PCDH11X: variants seen among roughly 807,000 people sequenced by gnomAD.
PCDH11X encodes the protein protocadherin 11 X-linked, also known as protocadherin-11 X-linked.
A neutral mutation model predicts 53.3 loss-of-function variants in PCDH11X; 18 were observed. That is an observed-to-expected ratio of 0.34 (90% CI 0.23 to 0.50). The LOEUF is 0.50. Ranked by LOEUF, PCDH11X falls within the 20% of genes least tolerant of loss-of-function variation. PCDH11X has a pLI of 0.98. For missense variants in PCDH11X, 570 were observed against 1,032.4 expected (o/e 0.55, Z 6.14); for synonymous variants, 279 against 393.3 (o/e 0.71, Z 3.44).
intron 4 of PCDH11X, among the ~76,000 whole-genome samples, chrX:91,825,373 C>T (rs191661384): frequency 3.0e-4 from 34 of 111,815 alleles, no homozygotes; most frequent in Admixed American, 2.7e-3. Flanking sequence ...GATATAATCT[C>T]GTGGTGCGCC....
At chrX:92,415,090 T>C (rs1193304234) in intron 9 of PCDH11X, among the ~76,000 whole-genome samples, 1 of 111,422 alleles carries the variant, frequency 9.0e-6, no homozygotes, top group African/African-American at 3.3e-5. Flanking sequence ...GTCATACTTT[T>C]TTAAACTTTC....
intron 9 of PCDH11X, among the ~76,000 whole-genome samples, chrX:92,421,419 C>T (rs1000661874): frequency 1.8e-5 from 2 of 111,840 alleles, no homozygotes; most frequent in South Asian, 3.7e-4. Context: ...GCTTTATTTA[C>T]GTTTCTGCAA....
At chrX:92,188,660 G>A (rs745482214) in intron 6 of PCDH11X, among the ~76,000 whole-genome samples, 1 of 111,795 alleles carries the variant, frequency 8.9e-6, no homozygotes, top group South Asian at 3.7e-4. Flanking sequence ...AGACGGGGTA[G>A]ATGAGATGAA....
rs375312195 is a variant in PCDH11X at position 92,441,479 on chromosome X, G to A, written c.3344-26820G>A. Reference sequence around the variant, plus strand: ...GCTGCCTAGGGACTTGGTGCCCTGTGTCCCAGCTGCTCCAGTCATGGCTGA... The same window carrying A: ...GCTGCCTAGGGACTTGGTGCCCTGTATCCCAGCTGCTCCAGTCATGGCTGA... On this transcript the variant is annotated intron_variant, in intron 9 of 10. Transcript: ENST00000682573. Among the ~76,000 whole-genome samples the A allele has an allele frequency of 8.0e-5, 9 of 112,122 alleles. No individual in the cohort carries two copies. In the East Asian group the frequency reaches 1.4e-3, roughly 18 times the overall value.
At chrX:91,807,494 G>A (rs1350150239) in intron 1 of PCDH11X, among the ~76,000 whole-genome samples, 1 of 111,087 alleles carries the variant, frequency 9.0e-6, no homozygotes, top group African/African-American at 3.3e-5. Context: ...GAGAGAGAGA[G>A]AGAGAAATAT....
intron 5 of PCDH11X, among the ~76,000 whole-genome samples, chrX:91,855,485 T>C (rs1415384636): frequency 9.2e-6 from 1 of 108,761 alleles, no homozygotes; most frequent in Admixed American, 9.6e-5. Flanking sequence ...TACTGGGTTT[T>C]TTGTGTGGTT....
chrX:91,960,885 G>A (rs113774708), intron 6 of PCDH11X, among the ~76,000 whole-genome samples: 1,940 of 110,808 alleles, frequency 0.018, 39 homozygotes, highest in African/African-American at 0.059. Context: ...TCTCGTCTAA[G>A]ATTAGTTGAC....
chrX:92,278,956 C>T (rs1276832208), intron 8 of PCDH11X, among the ~76,000 whole-genome samples: 1 of 109,348 alleles, frequency 9.1e-6, no homozygotes, highest in Non-Finnish European at 1.9e-5. Context: ...GGATTACAGG[C>T]GTGTGCCACC....
chrX:92,128,638 A>G (rs2064915536), intron 6 of PCDH11X, among the ~76,000 whole-genome samples: 1 of 110,210 alleles, frequency 9.1e-6, no homozygotes, highest in Middle Eastern at 4.6e-3. Context: ...ACTTCAGGTG[A>G]TCTGTCTGCC....
intron 6 of PCDH11X, among the ~76,000 whole-genome samples, chrX:92,160,889 A>G (rs5942130): frequency 0.53 from 57,542 of 109,088 alleles, 12,091 homozygotes; most frequent in African/African-American, 0.67. Flanking sequence ...AGGTCGTATC[A>G]CATTGTGGTT....
chrX:92,348,240 T>G (rs1055258843), intron 8 of PCDH11X, among the ~76,000 whole-genome samples: 1 of 111,457 alleles, frequency 9.0e-6, no homozygotes, highest in South Asian at 3.8e-4. Context: ...TAGCAACCAA[T>G]GATCCAGCCC....
chrX:92,447,851 T>C (rs944652389), intron 9 of PCDH11X, among the ~76,000 whole-genome samples: 7 of 112,344 alleles, frequency 6.2e-5, no homozygotes, highest in Non-Finnish European at 9.4e-5. Flanking sequence ...GGGTGTACCC[T>C]GCCAAGCCAC....
intron 9 of PCDH11X, chrX:92,460,083 C>A: frequency 9.8e-7 from 1 of 1,025,109 alleles, no homozygotes; most frequent in Non-Finnish European, 1.4e-6. Context: ...GGGCTCAGAT[C>A]TTCGCAAATA....
At chrX:92,273,736 G>A (rs1011428350) in intron 8 of PCDH11X, among the ~76,000 whole-genome samples, 1 of 110,885 alleles carries the variant, frequency 9.0e-6, no homozygotes, top group African/African-American at 3.3e-5. Flanking sequence ...CATTTGTCGT[G>A]TAGAATTATT....
At chrX:91,822,732 C>A (rs1475559736) in intron 4 of PCDH11X, among the ~76,000 whole-genome samples, 1 of 109,869 alleles carries the variant, frequency 9.1e-6, no homozygotes, top group Non-Finnish European at 1.9e-5. Flanking sequence ...AATGTGTTTG[C>A]TCTTGCTTTT....
intron 6 of PCDH11X, among the ~76,000 whole-genome samples, chrX:92,171,859 C>A (rs780077033): frequency 1.8e-5 from 2 of 110,887 alleles, no homozygotes; most frequent in Admixed American, 1.9e-4. Flanking sequence ...GAACATGGTA[C>A]ACCTTTTCAT....
intron 6 of PCDH11X, among the ~76,000 whole-genome samples, chrX:92,042,118 T>C (rs1488347281): frequency 9.0e-6 from 1 of 111,614 alleles, no homozygotes; most frequent in Non-Finnish European, 1.9e-5. Flanking sequence ...TATTATGTGA[T>C]AAGAATACGA....
chrX:91,966,115 A>T lies in PCDH11X; in HGVS notation c.3033+86842A>T, dbSNP rs1380962480. Among the ~76,000 whole-genome samples, 6 of 110,392 alleles carry T rather than the reference A, an allele frequency of 5.4e-5. No homozygotes were observed. The East Asian group carries it at 1.7e-3, about 32-fold the overall frequency. ...TGAATGAGGGATCTGGCATCTCATTATCTGGATGCCCTGATCTGGTGAGTT... is the reference window on the plus strand; with the variant it reads ...TGAATGAGGGATCTGGCATCTCATTTTCTGGATGCCCTGATCTGGTGAGTT... On this transcript the variant is annotated intron_variant, in intron 6 of 10. Transcript: ENST00000682573.
chrX:92,553,608 G>T (rs2074999167), intron 10 of PCDH11X, among the ~76,000 whole-genome samples: 2 of 107,225 alleles, frequency 1.9e-5, no homozygotes, highest in Non-Finnish European at 3.9e-5. Context: ...TACTAATTTT[G>T]GTTTGGAATG....
Sources: allele counts gnomAD v4.1 joint callset (sites outside exome capture counted in the v4.1 genomes callset), GRCh38; gene constraint gnomAD v4.1.1; transcripts MANE v1.5; gene names NCBI Gene and HGNC (gene_info 2026-07-23, HGNC 2026-07-21).